Variants in RPS6KL1 observed in about 807,000 individuals in gnomAD.
RPS6KL1 encodes ribosomal protein S6 kinase like 1.
Under a neutral mutation model 57.0 loss-of-function variants are expected in RPS6KL1, and 41 were observed. The observed-to-expected ratio is 0.72, with a 90% confidence interval of 0.56 to 0.93. The LOEUF (loss-of-function observed/expected upper bound fraction) is 0.93, where lower values mean the gene tolerates loss of function less well. Ranked by LOEUF, RPS6KL1 falls within the 40% of genes least tolerant of loss-of-function variation. The pLI is 0.00. For synonymous variants in RPS6KL1, 287 were observed against 309.7 expected (o/e 0.93, Z 0.77); for missense variants, 697 against 727.7 (o/e 0.96, Z 0.49).
chr14:74,907,465 G>A lies in RPS6KL1; in HGVS notation c.1509C>T (p.Leu503=), dbSNP rs769100557. ...AHTQLQLPEW[L]SRPAASLLTE... is the part of the protein sequence containing the mutation. The stretch of plus-strand genomic sequence containing the variant: ...TCAGCAGAGAGGCCGCTGGGCGACT[G>A]AGCCACTCGGGCAGCTGGAGCTGGG... The change falls in exon 11 of 12, where the codon CTC becomes CTT. Residue 503 remains leucine (L), a synonymous_variant. Coordinates refer to ENST00000557413, the MANE Select transcript of RPS6KL1 (RefSeq NM_031464.5). 6.3e-7 allele frequency: 1 copy of A among 1,587,686 alleles called. No homozygotes were observed. Among genetic ancestry groups the A allele is most frequent in the Non-Finnish European group, 8.6e-7 (1 of 1,167,304 alleles).
chr14:74,917,639 A>G (rs550169538), intron 5 of RPS6KL1, among the ~76,000 whole-genome samples: 3 of 152,204 alleles, frequency 2.0e-5, no homozygotes, highest in Non-Finnish European at 4.4e-5. Context: ...GCACTCTAAC[A>G]ATGAGTGCCC....
chr14:74,919,758 G>A (rs1887484662), intron 4 of RPS6KL1, 87 bp downstream of exon 4: 3 of 1,461,920 alleles, frequency 2.1e-6, no homozygotes, highest in Admixed American at 1.9e-5. Context: ...TGCAGCCCAG[G>A]GCGGGCCTGT....
chr14:74,912,178 A>C (rs1886113889), intron 5 of RPS6KL1, among the ~76,000 whole-genome samples: 1 of 152,106 alleles, frequency 6.6e-6, no homozygotes, highest in South Asian at 2.1e-4. Flanking sequence ...CTGTGAGCTC[A>C]GTATTCCCGG....
intron 5 of RPS6KL1, among the ~76,000 whole-genome samples, chr14:74,915,607 T>C (rs1886698590): frequency 2.0e-5 from 3 of 152,150 alleles, no homozygotes; most frequent in Admixed American, 2.0e-4. Flanking sequence ...GCCAGGCATG[T>C]GAGCAAATAG....
intron 5 of RPS6KL1, among the ~76,000 whole-genome samples, chr14:74,916,973 C>G (rs917958007): frequency 3.9e-5 from 6 of 152,236 alleles, no homozygotes. Flanking sequence ...ACCTCCCGGC[C>G]AGTCCCTGGG....
In RPS6KL1 at chr14:74,921,369, C is replaced by A; in HGVS notation, c.173G>T (p.Arg58Leu). The change falls in exon 3 of 12, where the codon CGG (arginine) becomes CTG (leucine). Residue 58 changes from arginine (R) to leucine (L), a missense_variant. By Grantham distance (102) the Arg-to-Leu change is moderately radical. Transcript: ENST00000557413. ...DYLVDAATQI[R>L]LALERDVSED... ...ACTAACATCGCGCTCCAGGGCCAGC[C>A]GGATCTGCGTGGCCGCATCCACCAG... 1 of 1,614,260 alleles carries A rather than the reference C, an allele frequency of 6.2e-7. No individual in the cohort carries two copies. The highest frequency in any genetic ancestry group is 8.5e-7 in the Non-Finnish European group (1 of 1,180,048).
Position 74,906,424 on chromosome 14 carries a change from G to T in RPS6KL1, c.*590C>A, listed in dbSNP as rs1281909512. The T allele has an allele frequency of 2.8e-6, 1 of 358,244 alleles. No homozygotes were observed. Among genetic ancestry groups the T allele is most frequent in the Admixed American group, 3.0e-5 (1 of 32,974 alleles). The allele number at this position is 358,244 out of a possible 1,614,324, so 22.2% of individuals were successfully genotyped here. A position where few individuals can be genotyped will look rare whatever the true frequency, so the allele number is the denominator to read the frequency against. Reference sequence around the variant, plus strand: ...GAATCGGGGGTGGGGGGGTGGGGGTGGGGGTCATCCTGTCCCCTACCTCAT... The same window carrying T: ...GAATCGGGGGTGGGGGGGTGGGGGTTGGGGTCATCCTGTCCCCTACCTCAT... On this transcript the variant is annotated 3_prime_UTR_variant, in exon 12 of 12. Transcript: ENST00000557413.
rs1038605364 is a variant in RPS6KL1, at chr14:74,921,402, C to T, written c.140G>A (p.Arg47His). The change falls in exon 3 of 12, where the codon CGT becomes CAT. Residue 47 changes from arginine (R) to histidine (H), a missense_variant. Transcript: ENST00000557413. ...CGTGGCCGCATCCACCAGATAGTCACGTTTTGTCATGTCAGGCACTCCCAG... is the reference window on the plus strand; with the variant it reads ...CGTGGCCGCATCCACCAGATAGTCATGTTTTGTCATGTCAGGCACTCCCAG... Reference protein sequence around the residue: ...VALGVPDMTKRDYLVDAATQI... With the variant: ...VALGVPDMTKHDYLVDAATQI... 19 of 1,614,170 alleles carry T rather than the reference C, an allele frequency of 1.2e-5. No individual in the cohort carries two copies. The highest frequency in any genetic ancestry group is 5.3e-5 in the African/African-American group (4 of 74,960).
At chr14:74,912,324 T>C (rs946801881) in intron 5 of RPS6KL1, among the ~76,000 whole-genome samples, 2 of 152,108 alleles carry the variant, frequency 1.3e-5, no homozygotes, top group Non-Finnish European at 2.9e-5. Context: ...GGGCCAGGCC[T>C]CATGCCACCT....
chr14:74,911,290 C>A lies in RPS6KL1; in HGVS notation c.622G>T (p.Val208Leu). Residue 208 changes from valine (V) to leucine (L), a missense_variant, in exon 7 of 12, where the codon GTG (valine) becomes TTG (leucine). Val to Leu is a conservative substitution (Grantham distance 32). Transcript: ENST00000557413. ...PYMTKLLRYF[V>L]SEDSIFLHLE... The stretch of plus-strand genomic sequence containing the variant: ...TGCAGGAAGATGGAGTCCTCGCTCA[C>A]AAAGTACCTGAGCAGCTTCGTCATG... 1 of 1,612,832 alleles carries A rather than the reference C, an allele frequency of 6.2e-7. No homozygotes were observed.
chr14:74,909,775 A>G lies in RPS6KL1; in HGVS notation c.1038T>C (p.Thr346=), dbSNP rs1481836017. The G allele has an allele frequency of 2.5e-6, 4 of 1,606,752 alleles. No homozygotes were observed. Among genetic ancestry groups the G allele is most frequent in the Middle Eastern group, 3.3e-4 (2 of 6,042 alleles). The part of the protein sequence containing the change: ...NSDAGPPRGL[T]WVPEGAGPVL... The stretch of plus-strand genomic sequence containing the variant: ...CCGGGCCGGCCCCCTCAGGAACCCA[A>G]GTGAGCCCCCGAGGGGGCCCAGCGT... Residue 346 remains threonine (T), a synonymous_variant, in exon 8 of 12, where the codon ACT becomes ACC. Transcript: ENST00000557413.
chr14:74,909,539 C>T lies in RPS6KL1; in HGVS notation c.1270+4G>A. 1 of 1,587,566 alleles carries T rather than the reference C, an allele frequency of 6.3e-7. No homozygotes were observed. Among genetic ancestry groups the T allele is most frequent in the East Asian group, 2.2e-5 (1 of 44,666 alleles). ...CCCCACTGAGGGGTGAGGAGGGCAC[C>T]TACCTGCCTGGTCCAGGAGCAGGTT... On this transcript the variant is annotated splice_donor_region_variant and intron_variant, in intron 8 of 11. Transcript: ENST00000557413.
intron 5 of RPS6KL1, 111 bp downstream of exon 5, chr14:74,918,402 T>G (rs1379399392): frequency 2.7e-6 from 2 of 732,576 alleles, no homozygotes; most frequent in East Asian, 3.1e-5. Context: ...TCTGGAGGAG[T>G]GGGGGCCACT....
At chr14:74,912,831 G>A (rs1023468041) in intron 5 of RPS6KL1, among the ~76,000 whole-genome samples, 2 of 152,268 alleles carry the variant, frequency 1.3e-5, no homozygotes, top group Admixed American at 1.3e-4. Flanking sequence ...TTCCATTAGA[G>A]GCAGACGCTG....
In RPS6KL1 at chr14:74,908,283, A is replaced by G. The variant is rs112313485; in HGVS notation, c.1443+567T>C. On this transcript the variant is annotated intron_variant, in intron 10 of 11. Transcript: ENST00000557413. Reference sequence around the variant, plus strand: ...ATAACTGGCCTCAGTTGCAGTGTTCAGCTCATGAGGGGAGGACAGAAGGCA... The same window carrying G: ...ATAACTGGCCTCAGTTGCAGTGTTCGGCTCATGAGGGGAGGACAGAAGGCA... 1.2e-3 allele frequency among the ~76,000 whole-genome samples: 185 copies of G among 152,308 alleles called. 2 individuals carry two copies. Among genetic ancestry groups the G allele is most frequent in the African/African-American group, 4.4e-3 (181 of 41,564 alleles).
intron 5 of RPS6KL1, 99 bp from the exon 6 acceptor site, chr14:74,911,940 C>G: frequency 2.0e-6 from 2 of 1,002,128 alleles, no homozygotes; most frequent in Non-Finnish European, 3.1e-6. Context: ...CTGAGGCTGA[C>G]TCACTCCAGT....
In RPS6KL1 at chr14:74,907,448, G is replaced by A; in HGVS notation, c.1526C>T (p.Ser509Phe). The A allele has an allele frequency of 6.3e-7, 1 of 1,581,466 alleles. No individual in the cohort carries two copies. The highest frequency in any genetic ancestry group is 8.6e-7 in the Non-Finnish European group (1 of 1,164,026). The part of the protein sequence containing the change: ...LPEWLSRPAA[S>F]LLTELLQFEP... ...GCTACACCTCACCTCAGTCAGCAGA[G>A]AGGCCGCTGGGCGACTGAGCCACTC... Residue 509 changes from serine to phenylalanine, a missense_variant, in exon 11 of 12, where the codon TCT becomes TTT. By Grantham distance (155) the Ser-to-Phe change is radical. Coordinates refer to ENST00000557413, the MANE Select transcript of RPS6KL1 (RefSeq NM_031464.5).
At chr14:74,909,030 TCA>T in intron 9 of RPS6KL1, 69 bp downstream of exon 9, 1 of 1,586,198 alleles carries the variant, frequency 6.3e-7, no homozygotes. Flanking sequence ...TCTGTCATTC[TCA>T]GACTCTGGGC....
Position 74,918,519 on chromosome 14 carries a change from G to C in RPS6KL1, c.477C>G (p.Ile159Met). 2 of 1,531,220 alleles carry C rather than the reference G, an allele frequency of 1.3e-6. No individual in the cohort carries two copies. The highest frequency in any genetic ancestry group is 8.7e-7 in the Non-Finnish European group (1 of 1,144,292). The allele number at this position is 1,531,220 out of a possible 1,614,324, so 94.9% of individuals were successfully genotyped here. ...QLRGCRVVGV[I>M]EKVQLVQDPA... Reference sequence around the variant, plus strand: ...CGAGTGTCCACTCACTCACCTTCTCGATGACCCCGACCACCCTGCAGCCCC... The same window carrying C: ...CGAGTGTCCACTCACTCACCTTCTCCATGACCCCGACCACCCTGCAGCCCC... The change falls in exon 5 of 12, where the codon ATC becomes ATG. Residue 159 changes from isoleucine to methionine, a missense_variant. Coordinates refer to ENST00000557413, the MANE Select transcript of RPS6KL1 (RefSeq NM_031464.5).
Sources: gnomAD v4.1 joint callset for allele counts (sites outside exome capture counted in the v4.1 genomes callset) on GRCh38, gnomAD v4.1.1 for gene constraint, MANE v1.5 for transcripts, NCBI Gene and HGNC (gene_info 2026-07-23, HGNC 2026-07-21) for gene names.